The following NUBPL variants were observed in gnomAD, a reference collection of about 807,000 sequenced individuals.
NUBPL encodes NUBP iron-sulfur cluster assembly factor, mitochondrial, also known as iron-sulfur cluster transfer protein NUBPL.
NUBPL carries 31 observed loss-of-function variants against 45.7 expected under a neutral mutation model. The observed-to-expected ratio is 0.68, with a 90% CI of 0.51 to 0.92. The LOEUF (loss-of-function observed/expected upper bound fraction) is 0.92. NUBPL is among the 40% of genes least tolerant of loss of function. NUBPL has a pLI of 0.00. For missense variants in NUBPL, 401 were observed against 398.7 expected (o/e 1.01, Z -0.05); for synonymous variants, 144 against 140.9 (o/e 1.02, Z -0.15).
chr14:31,838,694 TG>T (rs1361418064), intron 8 of NUBPL, among the ~76,000 whole-genome samples: 8 of 152,210 alleles, frequency 5.3e-5, no homozygotes, highest in South Asian at 2.1e-4. Context: ...AGTACTTTTT[TG>T]TGTGTTCCTG....
chr14:31,609,938 T>G (rs2034706696), intron 4 of NUBPL, among the ~76,000 whole-genome samples: 1 of 152,124 alleles, frequency 6.6e-6, no homozygotes, highest in South Asian at 2.1e-4. Flanking sequence ...GAGGGAAGTT[T>G]GTAGCTATAA....
rs148361532 is a variant in NUBPL, at chr14:31,603,721, C to G, written c.382+4342C>G. Among the ~76,000 whole-genome samples the G allele has an allele frequency of 9.9e-3, 1,504 of 152,250 alleles. 104 individuals carry two copies. Among genetic ancestry groups the G allele is most frequent in the Admixed American group, 0.089 (1,357 of 15,300 alleles). ...GATTTTAGTGATGTTAACATTGACCCTAGCAGTAGTATATTGCAAGTACCC... is the reference window on the plus strand; with the variant it reads ...GATTTTAGTGATGTTAACATTGACCGTAGCAGTAGTATATTGCAAGTACCC... On this transcript the variant is annotated intron_variant, in intron 4 of 10. Transcript: ENST00000281081.
intron 7 of NUBPL, among the ~76,000 whole-genome samples, chr14:31,810,390 T>G (rs952830793): frequency 7.2e-5 from 11 of 152,220 alleles, no homozygotes; most frequent in Admixed American, 7.2e-4. Flanking sequence ...TTTGTTTCTT[T>G]TTATCTTTGT....
At chr14:31,800,174 G>C (rs1303815502) in intron 7 of NUBPL, among the ~76,000 whole-genome samples, 1 of 152,036 alleles carries the variant, frequency 6.6e-6, no homozygotes, top group East Asian at 1.9e-4. Flanking sequence ...TAATTCTCTT[G>C]CTGTTTCCAC....
intron 3 of NUBPL, among the ~76,000 whole-genome samples, chr14:31,588,332 C>CA (rs2034047515): frequency 6.6e-6 from 1 of 152,166 alleles, no homozygotes; most frequent in African/African-American, 2.4e-5. Context: ...TGTGTGCATG[C>CA]ACTACTGTTA....
At chr14:31,636,485 G>A (rs1177986696) in intron 4 of NUBPL, among the ~76,000 whole-genome samples, 2 of 113,380 alleles carry the variant, frequency 1.8e-5, no homozygotes, top group South Asian at 4.2e-4. Context: ...CTGCTGGATT[G>A]GTTTGCCAGT....
intron 6 of NUBPL, among the ~76,000 whole-genome samples, chr14:31,747,776 T>C (rs1335209586): frequency 1.3e-5 from 2 of 152,176 alleles, no homozygotes; most frequent in Non-Finnish European, 2.9e-5. Context: ...ATTCATCTTT[T>C]GTATTTTTTA....
At chr14:31,720,308 C>T (rs1273439262) in intron 6 of NUBPL, among the ~76,000 whole-genome samples, 1 of 152,186 alleles carries the variant, frequency 6.6e-6, no homozygotes, top group South Asian at 2.1e-4. Context: ...CCTCTGGACT[C>T]TTCTTTCAAT....
At chr14:31,787,040 A>G (rs1440037527) in intron 6 of NUBPL, among the ~76,000 whole-genome samples, 2 of 152,148 alleles carry the variant, frequency 1.3e-5, no homozygotes, top group Non-Finnish European at 2.9e-5. Context: ...GATTTTTAGA[A>G]GGCAGAATAA....
chr14:31,666,248 T>TGTAG lies in NUBPL; in HGVS notation c.383-7107_383-7106insGTAG, dbSNP rs1164237585. 8.2e-3 allele frequency among the ~76,000 whole-genome samples: 326 copies of TGTAG among 39,696 alleles called. 20 individuals are homozygous for TGTAG. The highest frequency in any genetic ancestry group is 0.032 in the South Asian group (37 of 1,148). 26.0% of individuals were successfully genotyped at this position (39,696 alleles called of 152,430 possible). A position where few individuals can be genotyped will look rare whatever the true frequency, so the allele number is the denominator to read the frequency against. ...TTTAAGATATATATATATATATATATATATATATATATATAATTTTATTTT... is the reference window on the plus strand; with the variant it reads ...TTTAAGATATATATATATATATATATGTAGATATATATATATATAATTTTATTTT... On this transcript the variant is annotated intron_variant, in intron 4 of 10. Coordinates refer to ENST00000281081, the MANE Select transcript of NUBPL (RefSeq NM_025152.3).
intron 4 of NUBPL, among the ~76,000 whole-genome samples, chr14:31,633,278 G>A (rs2035392874): frequency 6.6e-6 from 1 of 152,188 alleles, no homozygotes; most frequent in African/African-American, 2.4e-5. Flanking sequence ...GTTGCATGGT[G>A]CAGTGGTGCT....
chr14:31,722,210 CTG>C (rs1175754533), intron 6 of NUBPL, among the ~76,000 whole-genome samples: 2 of 152,076 alleles, frequency 1.3e-5, no homozygotes, highest in Non-Finnish European at 2.9e-5. Context: ...CGGGTTTTCA[CTG>C]TGTTTGCCAG....
intron 6 of NUBPL, among the ~76,000 whole-genome samples, chr14:31,779,696 T>C (rs1159172660): frequency 6.6e-6 from 1 of 152,186 alleles, no homozygotes; most frequent in Non-Finnish European, 1.5e-5. Context: ...CTTAGGAAGA[T>C]TCAGTTCAAT....
At chr14:31,717,516 T>G (rs149956743) in intron 6 of NUBPL, among the ~76,000 whole-genome samples, 1 of 152,352 alleles carries the variant, frequency 6.6e-6, no homozygotes, top group African/African-American at 2.4e-5. Flanking sequence ...ACCCACATTT[T>G]CCCCTATCAT....
chr14:31,594,568 T>G (rs1398092502), intron 3 of NUBPL, among the ~76,000 whole-genome samples: 1 of 150,664 alleles, frequency 6.6e-6, no homozygotes, highest in Non-Finnish European at 1.5e-5. Flanking sequence ...TTTTTTTTTC[T>G]TTTATGCTGC....
At chr14:31,561,781 A>G in intron 1 of NUBPL, 2 of 584,506 alleles carry the variant, frequency 3.4e-6, no homozygotes, top group South Asian at 2.3e-5. Flanking sequence ...GTTATTTATC[A>G]AATAGATTGA....
At chr14:31,697,496 C>G (rs2037238924) in intron 6 of NUBPL, among the ~76,000 whole-genome samples, 1 of 152,194 alleles carries the variant, frequency 6.6e-6, no homozygotes. Flanking sequence ...CTTTTTTACT[C>G]TATCTGTTGT....
chr14:31,641,891 CTG>C, intron 4 of NUBPL, among the ~76,000 whole-genome samples: 1 of 152,214 alleles, frequency 6.6e-6, no homozygotes, highest in South Asian at 2.1e-4. Flanking sequence ...CCGTTTTATA[CTG>C]TGTTATTGTG....
intron 3 of NUBPL, among the ~76,000 whole-genome samples, chr14:31,578,460 T>C (rs554708953): frequency 6.6e-5 from 10 of 152,340 alleles, no homozygotes; most frequent in African/African-American, 2.4e-4. Flanking sequence ...TGGTTCACTT[T>C]TGGCAATTGC....
Sources: gnomAD v4.1 joint callset for allele counts (sites outside exome capture counted in the v4.1 genomes callset) on GRCh38, gnomAD v4.1.1 for gene constraint, MANE v1.5 for transcripts, NCBI Gene and HGNC (gene_info 2026-07-23, HGNC 2026-07-21) for gene names.